XKR6: variants seen among roughly 807,000 people sequenced by gnomAD.
The protein encoded by XKR6 is XK related 6.
XKR6 carries 22 observed loss-of-function variants against 56.7 expected under a neutral mutation model. That is an observed-to-expected ratio of 0.39 (90% confidence interval 0.28 to 0.55). The LOEUF (loss-of-function observed/expected upper bound fraction) is 0.55, where lower values mean the gene tolerates loss of function less well. XKR6 is among the 20% of genes least tolerant of loss of function. The pLI, the probability that XKR6 is intolerant of heterozygous loss-of-function variation, is 0.66. For synonymous variants in XKR6, 524 were observed against 387.8 expected (o/e 1.35, Z -4.13); for missense variants, 852 against 889.0 (o/e 0.96, Z 0.53).
intron 1 of XKR6, among the ~76,000 whole-genome samples, chr8:11,068,951 C>A (rs1158768955): frequency 6.6e-6 from 1 of 152,252 alleles, no homozygotes; most frequent in Non-Finnish European, 1.5e-5. Flanking sequence ...CCTCCCCAGG[C>A]TGCTCCTTTT....
chr8:11,196,749 G>A (rs1401275167), intron 1 of XKR6, among the ~76,000 whole-genome samples: 2 of 152,186 alleles, frequency 1.3e-5, no homozygotes, highest in Non-Finnish European at 2.9e-5. Flanking sequence ...CCTCCCCAGG[G>A]AGTCTTCTTC....
chr8:10,990,351 T>C (rs1797960841), intron 1 of XKR6, among the ~76,000 whole-genome samples: 1 of 152,174 alleles, frequency 6.6e-6, no homozygotes, highest in Non-Finnish European at 1.5e-5. Flanking sequence ...AAAAGCCTGC[T>C]CTGGTCCCAA....
At chr8:11,177,364 A>G (rs1802712965) in intron 1 of XKR6, among the ~76,000 whole-genome samples, 1 of 152,196 alleles carries the variant, frequency 6.6e-6, no homozygotes. Context: ...AACTGCCTTC[A>G]TTTTTTATTA....
intron 1 of XKR6, among the ~76,000 whole-genome samples, chr8:10,927,097 G>A (rs1222853989): frequency 1.3e-5 from 2 of 152,174 alleles, no homozygotes; most frequent in East Asian, 1.9e-4. Flanking sequence ...TGTGTGCAGC[G>A]AGGTTCCTGG....
chr8:10,976,934 G>T (rs552530237), intron 1 of XKR6, among the ~76,000 whole-genome samples: 1 of 149,434 alleles, frequency 6.7e-6, no homozygotes, highest in South Asian at 2.2e-4. Flanking sequence ...TGCAGGAGGT[G>T]GTCCCTGCTG....
At chr8:10,902,574 G>A (rs1226007869) in intron 2 of XKR6, among the ~76,000 whole-genome samples, 1 of 152,186 alleles carries the variant, frequency 6.6e-6, no homozygotes, top group African/African-American at 2.4e-5. Context: ...AAGATCCTTT[G>A]TACTAAAGGT....
intron 1 of XKR6, among the ~76,000 whole-genome samples, chr8:11,125,208 G>A (rs1435147494): frequency 2.0e-5 from 3 of 152,088 alleles, no homozygotes; most frequent in African/African-American, 7.2e-5. Context: ...CTCTGGCCCT[G>A]CTCACCCTGC....
intron 1 of XKR6, among the ~76,000 whole-genome samples, chr8:10,952,110 C>T (rs757582274): frequency 6.6e-6 from 1 of 152,178 alleles, no homozygotes; most frequent in Non-Finnish European, 1.5e-5. Flanking sequence ...CTGCCCCTCT[C>T]CAGGCTTTTT....
chr8:11,122,664 T>C (rs188855900), intron 1 of XKR6, among the ~76,000 whole-genome samples: 5 of 152,368 alleles, frequency 3.3e-5, no homozygotes, highest in Admixed American at 6.5e-5. Context: ...AATAATGTAA[T>C]TGTTCTTCAA....
intron 1 of XKR6, among the ~76,000 whole-genome samples, chr8:11,181,585 G>C (rs1377514894): frequency 6.6e-6 from 1 of 152,108 alleles, no homozygotes; most frequent in Admixed American, 6.6e-5. Flanking sequence ...CATAAGCAAG[G>C]TTTGTTTTGT....
chr8:10,937,815 A>T (rs958902050), intron 1 of XKR6, among the ~76,000 whole-genome samples: 1 of 151,796 alleles, frequency 6.6e-6, no homozygotes, highest in Admixed American at 6.6e-5. Context: ...GCTGTCAGAC[A>T]GGGACATTTA....
At chr8:10,930,825 T>C (rs1198622277) in intron 1 of XKR6, among the ~76,000 whole-genome samples, 1 of 152,202 alleles carries the variant, frequency 6.6e-6, no homozygotes, top group African/African-American at 2.4e-5. Flanking sequence ...GTTATCTTCC[T>C]TAATGATAAA....
At chr8:11,185,939 G>A (rs115032903) in intron 1 of XKR6, among the ~76,000 whole-genome samples, 91 of 152,256 alleles carry the variant, frequency 6.0e-4, no homozygotes, top group African/African-American at 2.0e-3. Flanking sequence ...TGAGCTGATC[G>A]ATGGAAACAG....
intron 1 of XKR6, among the ~76,000 whole-genome samples, chr8:10,980,286 G>A (rs1002551732): frequency 2.0e-5 from 3 of 152,294 alleles, no homozygotes; most frequent in Admixed American, 2.0e-4. Context: ...CAGGGGAAGG[G>A]GCCAGATGGG....
At chr8:11,016,347 G>A (rs1798622354) in intron 1 of XKR6, among the ~76,000 whole-genome samples, 1 of 152,182 alleles carries the variant, frequency 6.6e-6, no homozygotes, top group African/African-American at 2.4e-5. Flanking sequence ...CTTGGCGTGC[G>A]GTGCTGAGGA....
At chr8:10,955,171 C>T (rs1415739280) in intron 1 of XKR6, among the ~76,000 whole-genome samples, 2 of 151,838 alleles carry the variant, frequency 1.3e-5, no homozygotes, top group South Asian at 2.1e-4. Context: ...ACCCAGCCCC[C>T]GGCTTCATTC....
rs375309046 is a variant in XKR6 at position 11,181,857 on chromosome 8, T to C, written c.764+18719A>G. ...TCTTCCACAAAGCTGTTCCTGATTT[T>C]TTTTTTTCTCTTGGAGACAGGGTCT... On this transcript the variant is annotated intron_variant, in intron 1 of 2. Coordinates refer to ENST00000416569, the MANE Select transcript of XKR6 (RefSeq NM_173683.4). Among the ~76,000 whole-genome samples, 27 of 152,342 alleles carry C rather than the reference T, an allele frequency of 1.8e-4. No individual in the cohort carries two copies. In the East Asian group the frequency reaches 1.9e-3, roughly 11 times the overall value.
At chr8:10,982,923 G>T (rs1425369877) in intron 1 of XKR6, among the ~76,000 whole-genome samples, 1 of 152,160 alleles carries the variant, frequency 6.6e-6, no homozygotes, top group African/African-American at 2.4e-5. Context: ...CCCCATTTCC[G>T]CTCCTTCCTA....
At chr8:10,909,911 G>A (rs903510825) in intron 2 of XKR6, among the ~76,000 whole-genome samples, 1 of 152,072 alleles carries the variant, frequency 6.6e-6, no homozygotes, top group East Asian at 1.9e-4. Flanking sequence ...GAGGCTCAGG[G>A]AGGTAAAAGA....
Sources: gnomAD v4.1 joint callset for allele counts (sites outside exome capture counted in the v4.1 genomes callset) on GRCh38, gnomAD v4.1.1 for gene constraint, MANE v1.5 for transcripts, NCBI Gene and HGNC (gene_info 2026-07-23, HGNC 2026-07-21) for gene names.